NF2: variants seen among roughly 807,000 people sequenced by gnomAD.
NF2 encodes the protein NF2, moesin-ezrin-radixin like (MERLIN) tumor suppressor, also known as merlin.
NF2 carries 8 observed loss-of-function variants against 83.7 expected under a neutral mutation model. The observed-to-expected ratio is 0.10, with a 90% CI of 0.06 to 0.17. The LOEUF (loss-of-function observed/expected upper bound fraction) is 0.17, where lower values mean the gene tolerates loss of function less well. NF2 is among the 10% of genes least tolerant of loss of function. The pLI, the probability that NF2 is intolerant of heterozygous loss-of-function variation, is 1.00. For synonymous variants in NF2, 266 were observed against 269.6 expected (o/e 0.99, Z 0.13); for missense variants, 533 against 744.4 (o/e 0.72, Z 3.31).
intron 7 of NF2, among the ~76,000 whole-genome samples, chr22:29,658,708 G>A (rs1328309177): frequency 6.9e-6 from 1 of 145,058 alleles, no homozygotes; most frequent in Non-Finnish European, 1.5e-5. Flanking sequence ...CTCACTATGA[G>A]GCTAATTGGT....
At chr22:29,693,018 C>G in intron 15 of NF2, among the ~76,000 whole-genome samples, 1 of 152,218 alleles carries the variant, frequency 6.6e-6, no homozygotes. Flanking sequence ...GTATCTGACT[C>G]AAAGTGGCTG....
intron 4 of NF2, among the ~76,000 whole-genome samples, chr22:29,648,320 A>C (rs2066043832): frequency 6.6e-6 from 1 of 152,226 alleles, no homozygotes; most frequent in Non-Finnish European, 1.5e-5. Context: ...AGAAAACAAG[A>C]ATGGTCATAA....
chr22:29,631,716 A>C (rs1198237972), intron 1 of NF2, among the ~76,000 whole-genome samples: 1 of 152,018 alleles, frequency 6.6e-6, no homozygotes, highest in Non-Finnish European at 1.5e-5. Flanking sequence ...AACAATAACT[A>C]CCCCTTACTG....
At chr22:29,641,354 A>T (rs185190772) in intron 3 of NF2, among the ~76,000 whole-genome samples, 2 of 152,334 alleles carry the variant, frequency 1.3e-5, no homozygotes, top group East Asian at 3.9e-4. Flanking sequence ...TCCTAATGTT[A>T]TAGAAATGGC....
At chr22:29,643,705 C>G (rs977231077) in intron 4 of NF2, among the ~76,000 whole-genome samples, 3 of 152,200 alleles carry the variant, frequency 2.0e-5, no homozygotes, top group Admixed American at 6.5e-5. Flanking sequence ...TACACAGACA[C>G]GGCAACCATC....
chr22:29,673,207 G>A, intron 11 of NF2, 62 bp from the exon 12 acceptor site: 1 of 1,519,690 alleles, frequency 6.6e-7, no homozygotes, highest in Non-Finnish European at 8.9e-7. Context: ...AGTGTTCAAG[G>A]CAGATCTGGG....
At chr22:29,659,723 G>T (rs1044629474) in intron 7 of NF2, among the ~76,000 whole-genome samples, 3 of 152,118 alleles carry the variant, frequency 2.0e-5, no homozygotes, top group African/African-American at 7.2e-5. Flanking sequence ...GCAGAAGGCT[G>T]AATCTTTTTT....
Position 29,625,511 on chromosome 22 carries a change from T to G in NF2, c.115-11240T>G, listed in dbSNP as rs188458491. 3.3e-5 allele frequency among the ~76,000 whole-genome samples: 5 copies of G among 152,350 alleles called. No individual in the cohort carries two copies. In the East Asian group the frequency reaches 9.6e-4, roughly 29 times the overall value. On this transcript the variant is annotated intron_variant, in intron 1 of 15. Transcript: ENST00000338641. ...TTTAAAAACCCAGAATTGAGTTTTCTCAGAGCTGCTAATCTTTCTAGCCAG... is the reference window on the plus strand; with the variant it reads ...TTTAAAAACCCAGAATTGAGTTTTCGCAGAGCTGCTAATCTTTCTAGCCAG...
chr22:29,629,470 C>T (rs2065453588), intron 1 of NF2, among the ~76,000 whole-genome samples: 1 of 152,186 alleles, frequency 6.6e-6, no homozygotes, highest in Non-Finnish European at 1.5e-5. Flanking sequence ...ATCTTAAATT[C>T]TCAAGTCTCC....
At chr22:29,678,077 G>C in intron 13 of NF2, 119 bp from the exon 14 acceptor site, 1 of 1,310,674 alleles carries the variant, frequency 7.6e-7, no homozygotes, top group Non-Finnish European at 1.1e-6. Context: ...GGCATTGGGA[G>C]GTGGGACCCG....
At chr22:29,658,455 G>A (rs2066380784) in intron 7 of NF2, among the ~76,000 whole-genome samples, 191 bp downstream of exon 7, 1 of 152,184 alleles carries the variant, frequency 6.6e-6, no homozygotes, top group South Asian at 2.1e-4. Flanking sequence ...TAGATCATAG[G>A]TAATTAAGTG....
chr22:29,694,853 GC>G lies in NF2; in HGVS notation c.*52del. The stretch of plus-strand genomic sequence containing the variant: ...TGCCACTTCTCCTGCTACCGGGACC[GC>G]GGGATGGACCAGATATCAAGAGAGC... On this transcript the variant is annotated 3_prime_UTR_variant, in exon 16 of 16. Transcript: ENST00000338641. The surrounding 1 kb of genome is among the most constrained non-coding windows in gnomAD (Gnocchi z 4.1). 6.3e-7 allele frequency: 1 copy of G among 1,577,590 alleles called. No homozygotes were observed. Among genetic ancestry groups the G allele is most frequent in the African/African-American group, 1.4e-5 (1 of 74,052 alleles).
At chr22:29,606,707 G>C (rs912853179) in intron 1 of NF2, among the ~76,000 whole-genome samples, 1 of 152,152 alleles carries the variant, frequency 6.6e-6, no homozygotes, top group Non-Finnish European at 1.5e-5. Context: ...GGAAAGAATT[G>C]GGGAATAAGA....
At chr22:29,645,163 A>C (rs1169783396) in intron 4 of NF2, among the ~76,000 whole-genome samples, 1 of 152,216 alleles carries the variant, frequency 6.6e-6, no homozygotes, top group African/African-American at 2.4e-5. Context: ...AAGGCTATAC[A>C]TGCTAGTCAG....
At position 29,676,461 on chromosome 22, in the gene NF2, C is replaced by T. The variant is rs564576160; in HGVS notation, c.1446+1520C>T. On this transcript the variant is annotated intron_variant, in intron 13 of 15. Coordinates refer to ENST00000338641, the MANE Select transcript of NF2 (RefSeq NM_000268.4). ...AAAGTGCTGGGATTATAGGCATGAG[C>T]CACTGTGCCCAGCCTATATGTGTTG... Among the ~76,000 whole-genome samples the T allele has an allele frequency of 2.0e-5, 3 of 152,308 alleles. No individual in the cohort carries two copies. The East Asian group carries it at 5.8e-4, about 29-fold the overall frequency.
At chr22:29,683,251 A>G in intron 15 of NF2, 1 of 1,520,262 alleles carries the variant, frequency 6.6e-7, no homozygotes, top group Non-Finnish European at 8.8e-7. Context: ...AAGCCAGACC[A>G]GCCTCCAGGG....
chr22:29,647,603 CTGAT>C (rs1241601696), intron 4 of NF2, among the ~76,000 whole-genome samples: 1 of 152,142 alleles, frequency 6.6e-6, no homozygotes, highest in Non-Finnish European at 1.5e-5. Flanking sequence ...TGGGGGCTGA[CTGAT>C]TTAAAAATAT....
intron 13 of NF2, among the ~76,000 whole-genome samples, chr22:29,675,879 A>G (rs1222084571): frequency 2.0e-5 from 3 of 152,180 alleles, no homozygotes; most frequent in Non-Finnish European, 2.9e-5. Flanking sequence ...CCAGATGCAC[A>G]AAGGGCACCA....
At position 29,698,016 on chromosome 22, in the gene NF2, A is replaced by G. The variant is rs1317879988; in HGVS notation, c.*3214A>G. On this transcript the variant is annotated 3_prime_UTR_variant, in exon 16 of 16. Transcript: ENST00000338641. ...GCAGAAGCCCCACAGCACCGGGACCATTCATGAGGTCACTGCCCAGCTCAT... is the reference window on the plus strand; with the variant it reads ...GCAGAAGCCCCACAGCACCGGGACCGTTCATGAGGTCACTGCCCAGCTCAT... The G allele has an allele frequency of 8.8e-6, 2 of 227,784 alleles. No homozygotes were observed. Among genetic ancestry groups the G allele is most frequent in the East Asian group, 1.2e-4 (2 of 16,114 alleles). 14.1% of individuals were successfully genotyped at this position (227,784 alleles called of 1,614,324 possible). A position where few individuals can be genotyped will look rare whatever the true frequency, so the allele number is the denominator to read the frequency against.
Sources: allele counts gnomAD v4.1 joint callset (sites outside exome capture counted in the v4.1 genomes callset), GRCh38; gene constraint gnomAD v4.1.1; non-coding constraint Gnocchi (gnomAD v3.1); transcripts MANE v1.5; gene names NCBI Gene and HGNC (gene_info 2026-07-23, HGNC 2026-07-21).